The following NFIB variants were observed in gnomAD, a reference collection of about 807,000 sequenced individuals.
NFIB encodes nuclear factor I B.
In NFIB, 11 loss-of-function variants were observed where a neutral mutation model predicts 61.5. The observed-to-expected ratio is 0.18, with a 90% CI of 0.11 to 0.30. The LOEUF is 0.30. NFIB is among the 10% of genes least tolerant of loss of function. The probability of loss-of-function intolerance (pLI) is 1.00; values close to 1 mark genes in which losing one functional copy is unlikely to be tolerated. For missense variants in NFIB, 471 were observed against 608.9 expected (o/e 0.77, Z 2.38); for synonymous variants, 260 against 216.5 (o/e 1.20, Z -1.76).
chr9:14,427,955 T>TG, the NFIB span, among the ~76,000 whole-genome samples: 15 of 120,042 alleles, frequency 1.2e-4, no homozygotes, highest in African/African-American at 3.7e-4. Context: ...TTTTTTTTTT[T>TG]TTTTTTTTTG....
Position 14,204,884 on chromosome 9 carries a change from G to T in NFIB, c.563-25104C>A. 8.1e-6 allele frequency: 3 copies of T among 369,208 alleles called. No homozygotes were observed. In the South Asian group the frequency reaches 8.8e-5, roughly 11 times the overall value. The allele number at this position is 369,208 out of a possible 1,614,324, so 22.9% of individuals were successfully genotyped here. A position where few individuals can be genotyped will look rare whatever the true frequency, so the allele number is the denominator to read the frequency against. ...ACAGGTTAACTCAGAAGACAAAGGGGCTTTGGTTAAGCTGGTGGTAGCTAT... is the reference window on the plus strand; with the variant it reads ...ACAGGTTAACTCAGAAGACAAAGGGTCTTTGGTTAAGCTGGTGGTAGCTAT... On this transcript the variant is annotated intron_variant, in intron 2 of 10. Coordinates refer to ENST00000380953, the MANE Select transcript of NFIB (RefSeq NM_001190737.2).
At chr9:14,177,250 T>C (rs1259186767) in intron 3 of NFIB, among the ~76,000 whole-genome samples, 1 of 152,156 alleles carries the variant, frequency 6.6e-6, no homozygotes, top group Non-Finnish European at 1.5e-5. Context: ...TTCCTAAAGA[T>C]AAATTATGTC....
intron 10 of NFIB, among the ~76,000 whole-genome samples, chr9:14,099,140 A>G (rs1426501843): frequency 1.3e-5 from 2 of 152,232 alleles, no homozygotes; most frequent in African/African-American, 2.4e-5. Context: ...ACAACAAACA[A>G]CAATCAATCA....
chr9:14,474,578 G>A, the NFIB span, among the ~76,000 whole-genome samples: 1 of 152,114 alleles, frequency 6.6e-6, no homozygotes, highest in Admixed American at 6.5e-5. Flanking sequence ...TAAGTCCAAA[G>A]TCTCATCTAA....
intron 2 of NFIB, chr9:14,204,325 A>C: frequency 1.4e-6 from 1 of 738,304 alleles, no homozygotes. Context: ...AGGCCAAGAA[A>C]GTGGTCAACC....
chr9:14,357,061 G>A (rs1272554554), intron 1 of NFIB: 2 of 152,074 alleles, frequency 1.3e-5, no homozygotes, highest in East Asian at 3.8e-4. Flanking sequence ...AATCCCTCAG[G>A]GGAATGAGTG....
intron 2 of NFIB, among the ~76,000 whole-genome samples, chr9:14,205,765 C>A (rs1018720753): frequency 6.6e-6 from 1 of 152,196 alleles, no homozygotes; most frequent in African/African-American, 2.4e-5. Context: ...AGTGCTTATT[C>A]ACTGAATGCC....
intron 1 of NFIB, among the ~76,000 whole-genome samples, chr9:14,346,108 G>GA (rs2061014971): frequency 6.6e-6 from 1 of 152,178 alleles, no homozygotes; most frequent in Admixed American, 6.5e-5. Context: ...TAAGCCACGG[G>GA]AAGGGGGGCG....
intron 2 of NFIB, among the ~76,000 whole-genome samples, chr9:14,188,874 C>G (rs1435205356): frequency 6.6e-6 from 1 of 152,128 alleles, no homozygotes; most frequent in African/African-American, 2.4e-5. Flanking sequence ...AAAGAAAATG[C>G]TGGTGAAATA....
At chr9:14,329,846 G>A (rs974239465) in intron 1 of NFIB, among the ~76,000 whole-genome samples, 4 of 151,468 alleles carry the variant, frequency 2.6e-5, no homozygotes, top group African/African-American at 7.3e-5. Context: ...GTAACAGGCC[G>A]GGCACAGTGG....
At chr9:14,151,338 C>T (rs1027109372) in intron 4 of NFIB, among the ~76,000 whole-genome samples, 2 of 152,084 alleles carry the variant, frequency 1.3e-5, no homozygotes, top group Non-Finnish European at 2.9e-5. Context: ...TGAACCTGTT[C>T]GCTGAAAATT....
At chr9:14,423,422 G>T in the NFIB span, among the ~76,000 whole-genome samples, 140 of 152,108 alleles carry the variant, frequency 9.2e-4, no homozygotes, top group Non-Finnish European at 1.4e-3. Flanking sequence ...TTTTCTTTAT[G>T]AGTTATACTT....
intron 1 of NFIB, among the ~76,000 whole-genome samples, chr9:14,375,989 A>G (rs568039550): frequency 6.6e-6 from 1 of 152,246 alleles, no homozygotes; most frequent in Non-Finnish European, 1.5e-5. Context: ...CTCAGAGTAC[A>G]TGGCCAAAAT....
At chr9:14,169,890 C>G (rs923360096) in intron 3 of NFIB, among the ~76,000 whole-genome samples, 4 of 152,202 alleles carry the variant, frequency 2.6e-5, no homozygotes, top group African/African-American at 9.6e-5. Context: ...GATACGCTTT[C>G]ATAGTCACGG....
In NFIB at chr9:14,083,526, A is replaced by G. The variant is rs957243546; in HGVS notation, c.*4783T>C. ...GTTTTCTATAGAAACCCAATTTCTT[A>G]AAGTCCAGAAAGCATGCAGCTGGTT... On this transcript the variant is annotated 3_prime_UTR_variant, in exon 11 of 11. Coordinates refer to ENST00000380953, the MANE Select transcript of NFIB (RefSeq NM_001190737.2). The G allele has an allele frequency of 4.9e-5, 11 of 222,256 alleles. No individual in the cohort carries two copies. The Admixed American group carries it at 5.2e-4, about 11-fold the overall frequency. The allele number at this position is 222,256 out of a possible 1,614,324, so 13.8% of individuals were successfully genotyped here.
chr9:14,244,537 C>A (rs913304767), intron 2 of NFIB, among the ~76,000 whole-genome samples: 2 of 152,142 alleles, frequency 1.3e-5, no homozygotes, highest in Non-Finnish European at 1.5e-5. Context: ...TAACTTTAAT[C>A]TCCACAATCT....
upstream of NFIB, among the ~76,000 whole-genome samples, chr9:14,403,132 C>A (rs1487783851): frequency 1.3e-5 from 2 of 152,158 alleles, no homozygotes; most frequent in African/African-American, 2.4e-5. Flanking sequence ...GTTCTTGCAC[C>A]TTTATCCCAG....
At chr9:14,172,649 G>C (rs1397918938) in intron 3 of NFIB, among the ~76,000 whole-genome samples, 3 of 152,082 alleles carry the variant, frequency 2.0e-5, no homozygotes, top group Non-Finnish European at 4.4e-5. Context: ...TTCATCATGA[G>C]ACTTGAAAGC....
At chr9:14,437,337 C>G in the NFIB span, among the ~76,000 whole-genome samples, 1 of 152,198 alleles carries the variant, frequency 6.6e-6, no homozygotes. Flanking sequence ...GTCCCTTTGT[C>G]GGTTTCCAAA....
Sources: allele counts gnomAD v4.1 joint callset (sites outside exome capture counted in the v4.1 genomes callset), GRCh38; gene constraint gnomAD v4.1.1; transcripts MANE v1.5; gene names NCBI Gene and HGNC (gene_info 2026-07-23, HGNC 2026-07-21).